The following KCTD11 variants were observed in gnomAD, a reference collection of about 807,000 sequenced individuals.
The protein encoded by KCTD11 is BTB/POZ domain-containing protein KCTD11.
Under a neutral mutation model 10.7 loss-of-function variants are expected in KCTD11, and 8 were observed. The ratio of observed to expected loss-of-function variants is 0.74; its 90% confidence interval spans 0.44 to 1.34. The LOEUF is 1.34. Ranked by LOEUF, KCTD11 falls within the 40% of genes most tolerant of loss-of-function variation. The pLI is 0.01. For missense variants in KCTD11, 346 were observed against 356.1 expected (o/e 0.97, Z 0.23); for synonymous variants, 153 against 160.8 (o/e 0.95, Z 0.37).
chr17:7,352,733 A>T lies in KCTD11; in HGVS notation c.-93A>T. 1 of 547,510 alleles carries T rather than the reference A, an allele frequency of 1.8e-6. No homozygotes were observed. Among genetic ancestry groups the T allele is most frequent in the Non-Finnish European group, 3.2e-6 (1 of 308,314 alleles). 33.9% of individuals were successfully genotyped at this position (547,510 alleles called of 1,614,324 possible). Reference sequence around the variant, plus strand: ...CTGGGTGTGCTCCACCTGTGCCTCCAACCCAGCGAATCTGACAGCTTCGAC... The same window carrying T: ...CTGGGTGTGCTCCACCTGTGCCTCCTACCCAGCGAATCTGACAGCTTCGAC... On this transcript the variant is annotated 5_prime_UTR_variant, in exon 1 of 1. Transcript: ENST00000333751. This position sits in a 1 kb window ranked among gnomAD's most constrained non-coding sequence, Gnocchi z 4.5.
At position 7,352,986 on chromosome 17, in the gene KCTD11, A is replaced by G. The variant is rs369116596; in HGVS notation, c.161A>G (p.Asn54Ser). ...AGGGCCGGCACCCCCATGCCCCCCA[A>G]CCTCAATTCCCAAGGAGGCGGCCAC... Residue 54 changes from asparagine (N) to serine (S), a missense_variant, in exon 1 of 1, where the codon AAC becomes AGC. Asn to Ser is a conservative substitution (Grantham distance 46). Coordinates refer to ENST00000333751, the MANE Select transcript of KCTD11 (RefSeq NM_001363642.1). The surrounding 1 kb of genome is among the most constrained non-coding windows in gnomAD (Gnocchi z 4.5). 1,235 of 1,607,222 alleles carry G rather than the reference A, an allele frequency of 7.7e-4. 23 individuals are homozygous for G. In the South Asian group the frequency reaches 0.013, roughly 17 times the overall value.
At position 7,353,493 on chromosome 17, in the gene KCTD11, CA is replaced by C; in HGVS notation, c.669del (p.Gly224GlufsTer27). 1 of 1,600,550 alleles carries C rather than the reference CA, an allele frequency of 6.2e-7. No individual in the cohort carries two copies. The highest frequency in any genetic ancestry group is 8.5e-7 in the Non-Finnish European group (1 of 1,171,476). On this transcript the variant is annotated frameshift_variant, in exon 1 of 1. Transcript: ENST00000333751. LOFTEE classifies it high-confidence loss of function. The surrounding 1 kb of genome is among the most constrained non-coding windows in gnomAD (Gnocchi z 4.9). ...CTGCAGCCGCTGTGGACTGGGGGGC[CA>C]GGAGAGCGGCGGGAGGTGGTGGGCA...
rs896153113 is a variant in KCTD11, at chr17:7,352,909, C to T, written c.84C>T (p.Thr28=). 1.3e-6 allele frequency: 2 copies of T among 1,531,058 alleles called. No individual in the cohort carries two copies. Among genetic ancestry groups the T allele is most frequent in the Admixed American group, 1.9e-5 (1 of 51,632 alleles). 94.8% of individuals were successfully genotyped at this position (1,531,058 alleles called of 1,614,324 possible). ...ATGTGGGGGGCACACTATATTCCAC[C>T]ACTTTGGAGACCCTGACCCGCTTCC... Residue 28 remains threonine (T), a synonymous_variant, in exon 1 of 1, where the codon ACC becomes ACT. Coordinates refer to ENST00000333751, the MANE Select transcript of KCTD11 (RefSeq NM_001363642.1). The surrounding 1 kb of genome is among the most constrained non-coding windows in gnomAD (Gnocchi z 4.5).
Position 7,354,870 on chromosome 17 carries a change from G to A in KCTD11, c.*1229G>A, listed in dbSNP as rs953844580. The A allele has an allele frequency of 3.5e-6, 1 of 289,022 alleles. No individual in the cohort carries two copies. The highest frequency in any genetic ancestry group is 6.9e-6 in the Non-Finnish European group (1 of 144,668). 17.9% of individuals were successfully genotyped at this position (289,022 alleles called of 1,614,324 possible). A position where few individuals can be genotyped will look rare whatever the true frequency, so the allele number is the denominator to read the frequency against. On this transcript the variant is annotated 3_prime_UTR_variant, in exon 1 of 1. Coordinates refer to ENST00000333751, the MANE Select transcript of KCTD11 (RefSeq NM_001363642.1). ...TCACGCACAGCTTCTTCACTGGTGG[G>A]GGGTGGGGCACACATTATTTCTCAC...
rs779311069 is a variant in KCTD11 at position 7,353,224 on chromosome 17, A to T, written c.399A>T (p.Val133=). ...CAGCTGCCCTGCTCCACGCAGATGT[A>T]GATGTCAGCCCCCGCCTGGTGCACT... Residue 133 remains valine, a synonymous_variant, in exon 1 of 1, where the codon GTA becomes GTT. Coordinates refer to ENST00000333751, the MANE Select transcript of KCTD11 (RefSeq NM_001363642.1). The surrounding 1 kb of genome is among the most constrained non-coding windows in gnomAD (Gnocchi z 4.9). 1 of 1,613,608 alleles carries T rather than the reference A, an allele frequency of 6.2e-7. No homozygotes were observed. The highest frequency in any genetic ancestry group is 8.5e-7 in the Non-Finnish European group (1 of 1,180,026).
rs138420040 is a variant in KCTD11, at chr17:7,353,548, G to T, written c.723G>T (p.Arg241=). The T allele has an allele frequency of 1.9e-6, 3 of 1,563,486 alleles. No homozygotes were observed. In the African/African-American group the frequency reaches 4.1e-5, roughly 21 times the overall value. Residue 241 remains arginine, a synonymous_variant, in exon 1 of 1, where the codon CGG becomes CGT. Coordinates refer to ENST00000333751, the MANE Select transcript of KCTD11 (RefSeq NM_001363642.1). The surrounding 1 kb of genome is among the most constrained non-coding windows in gnomAD (Gnocchi z 4.9). ...CAAGCTTCCTGGAGGAGGTGCTGCGGGTGGCTCTCGAGCACGGCTTCCGAC... is the reference window on the plus strand; with the variant it reads ...CAAGCTTCCTGGAGGAGGTGCTGCGTGTGGCTCTCGAGCACGGCTTCCGAC...
At position 7,352,938 on chromosome 17, in the gene KCTD11, A is replaced by T; in HGVS notation, c.113A>T (p.Asp38Val). ...TTGGAGACCCTGACCCGCTTCCCAG[A>T]CTCTATGCTGGGGGCCATGTTTAGG... Residue 38 changes from aspartate to valine, a missense_variant, in exon 1 of 1, where the codon GAC becomes GTC. Physicochemically the swap from Asp to Val is radical, Grantham distance 152 (BLOSUM62 -3). Coordinates refer to ENST00000333751, the MANE Select transcript of KCTD11 (RefSeq NM_001363642.1). The surrounding 1 kb of genome is among the most constrained non-coding windows in gnomAD (Gnocchi z 4.5). 1 of 1,573,200 alleles carries T rather than the reference A, an allele frequency of 6.4e-7. No homozygotes were observed. The highest frequency in any genetic ancestry group is 8.7e-7 in the Non-Finnish European group (1 of 1,155,182).
At position 7,354,070 on chromosome 17, in the gene KCTD11, A is replaced by G. The variant is rs1174634036; in HGVS notation, c.*429A>G. ...TCTTGGACCATGGCTTCTACTCCTG[A>G]AGCTGGGTGGCCTGGCCTGGCCTGA... On this transcript the variant is annotated 3_prime_UTR_variant, in exon 1 of 1. Coordinates refer to ENST00000333751, the MANE Select transcript of KCTD11 (RefSeq NM_001363642.1). 1 of 176,552 alleles carries G rather than the reference A, an allele frequency of 5.7e-6. No individual in the cohort carries two copies. The highest frequency in any genetic ancestry group is 1.3e-5 in the Non-Finnish European group (1 of 74,260). 10.9% of individuals were successfully genotyped at this position (176,552 alleles called of 1,614,324 possible).
Position 7,354,003 on chromosome 17 carries a change from G to A in KCTD11, c.*362G>A. 1 of 221,520 alleles carries A rather than the reference G, an allele frequency of 4.5e-6. No individual in the cohort carries two copies. Among genetic ancestry groups the A allele is most frequent in the Non-Finnish European group, 9.7e-6 (1 of 103,432 alleles). 13.7% of individuals were successfully genotyped at this position (221,520 alleles called of 1,614,324 possible). On this transcript the variant is annotated 3_prime_UTR_variant, in exon 1 of 1. Coordinates refer to ENST00000333751, the MANE Select transcript of KCTD11 (RefSeq NM_001363642.1). The stretch of plus-strand genomic sequence containing the variant: ...AGCAAAACCCTGGAAGGATATTGAG[G>A]TCTGGGGAAAAGGGAGGACTTTGCA...
At position 7,352,661 on chromosome 17, in the gene KCTD11, A is replaced by C; in HGVS notation, c.-165A>C. On this transcript the variant is annotated 5_prime_UTR_variant, in exon 1 of 1. Coordinates refer to ENST00000333751, the MANE Select transcript of KCTD11 (RefSeq NM_001363642.1). This position sits in a 1 kb window ranked among gnomAD's most constrained non-coding sequence, Gnocchi z 4.5. Reference sequence around the variant, plus strand: ...TTGGGGATTTCTGTGTCCTGACACCACCTCCCCATCCACCACCAAAGTAGC... The same window carrying C: ...TTGGGGATTTCTGTGTCCTGACACCCCCTCCCCATCCACCACCAAAGTAGC... 1 of 496,206 alleles carries C rather than the reference A, an allele frequency of 2.0e-6. No individual in the cohort carries two copies. The highest frequency in any genetic ancestry group is 4.0e-5 in the South Asian group (1 of 24,838). The allele number at this position is 496,206 out of a possible 1,614,324, so 30.7% of individuals were successfully genotyped here. A position where few individuals can be genotyped will look rare whatever the true frequency, so the allele number is the denominator to read the frequency against.
chr17:7,353,158 G>A lies in KCTD11; in HGVS notation c.333G>A (p.Ala111=), dbSNP rs61737658. 8.7e-6 allele frequency: 14 copies of A among 1,613,018 alleles called. No individual in the cohort carries two copies. The highest frequency in any genetic ancestry group is 1.3e-5 in the African/African-American group (1 of 74,924). ...ACCAGATCCGGCCCCTCCTGGACGC[G>A]CTGCGGGAACTGGAGGCCTCTCAGG... Residue 111 remains alanine, a synonymous_variant, in exon 1 of 1, where the codon GCG becomes GCA. Coordinates refer to ENST00000333751, the MANE Select transcript of KCTD11 (RefSeq NM_001363642.1). The surrounding 1 kb of genome is among the most constrained non-coding windows in gnomAD (Gnocchi z 4.9).
In KCTD11 at chr17:7,354,587, G is replaced by T; in HGVS notation, c.*946G>T. The T allele has an allele frequency of 6.0e-6, 1 of 167,588 alleles. No individual in the cohort carries two copies. 10.4% of individuals were successfully genotyped at this position (167,588 alleles called of 1,614,324 possible). A position where few individuals can be genotyped will look rare whatever the true frequency, so the allele number is the denominator to read the frequency against. On this transcript the variant is annotated 3_prime_UTR_variant, in exon 1 of 1. Coordinates refer to ENST00000333751, the MANE Select transcript of KCTD11 (RefSeq NM_001363642.1). ...TGCACGCATGTATATGCATCACCAC[G>T]TAGCCAGGAGGGGCCTGTTGGGGTT...
chr17:7,353,500 G>A lies in KCTD11; in HGVS notation c.675G>A (p.Glu225=). The A allele has an allele frequency of 6.3e-7, 1 of 1,595,832 alleles. No homozygotes were observed. The highest frequency in any genetic ancestry group is 8.6e-7 in the Non-Finnish European group (1 of 1,168,738). ...CGCTGTGGACTGGGGGGCCAGGAGA[G>A]CGGCGGGAGGTGGTGGGCACCCCAA... Residue 225 remains glutamate, a synonymous_variant, in exon 1 of 1, where the codon GAG becomes GAA. Coordinates refer to ENST00000333751, the MANE Select transcript of KCTD11 (RefSeq NM_001363642.1). The surrounding 1 kb of genome is among the most constrained non-coding windows in gnomAD (Gnocchi z 4.9).
Position 7,353,151 on chromosome 17 carries a change from T to C in KCTD11, c.326T>C (p.Leu109Pro). The C allele has an allele frequency of 6.2e-7, 1 of 1,613,276 alleles. No individual in the cohort carries two copies. The highest frequency in any genetic ancestry group is 8.5e-7 in the Non-Finnish European group (1 of 1,179,688). The change falls in exon 1 of 1, where the codon CTG becomes CCG. Residue 109 changes from leucine to proline, a missense_variant. Physicochemically the swap from Leu to Pro is moderately conservative, Grantham distance 98. Coordinates refer to ENST00000333751, the MANE Select transcript of KCTD11 (RefSeq NM_001363642.1). This position sits in a 1 kb window ranked among gnomAD's most constrained non-coding sequence, Gnocchi z 4.9. ...GACTTCTACCAGATCCGGCCCCTCCTGGACGCGCTGCGGGAACTGGAGGCC... is the reference window on the plus strand; with the variant it reads ...GACTTCTACCAGATCCGGCCCCTCCCGGACGCGCTGCGGGAACTGGAGGCC...
rs887033695 is a variant in KCTD11 at position 7,353,801 on chromosome 17, C to A, written c.*160C>A. 3 of 676,892 alleles carry A rather than the reference C, an allele frequency of 4.4e-6. No individual in the cohort carries two copies. Among genetic ancestry groups the A allele is most frequent in the Non-Finnish European group, 7.2e-6 (3 of 418,574 alleles). The allele number at this position is 676,892 out of a possible 1,614,324, so 41.9% of individuals were successfully genotyped here. On this transcript the variant is annotated 3_prime_UTR_variant, in exon 1 of 1. Transcript: ENST00000333751. The surrounding 1 kb of genome is among the most constrained non-coding windows in gnomAD (Gnocchi z 4.9). ...CAGGAATTCCCAAACCTGAGCCCAC[C>A]AAGGACTCACAAGTGGTCCAGAAGG... is the stretch of plus-strand genomic sequence containing the variant.
chr17:7,354,907 T>G lies in KCTD11; in HGVS notation c.*1266T>G. On this transcript the variant is annotated 3_prime_UTR_variant, in exon 1 of 1. Transcript: ENST00000333751. Reference sequence around the variant, plus strand: ...ACATTATTTCTCACTGGTCATGATTTACAAGAAGAAAAATAAAACTGCTTT... The same window carrying G: ...ACATTATTTCTCACTGGTCATGATTGACAAGAAGAAAAATAAAACTGCTTT... 2.5e-6 allele frequency: 1 copy of G among 403,976 alleles called. No individual in the cohort carries two copies. The highest frequency in any genetic ancestry group is 4.6e-6 in the Non-Finnish European group (1 of 216,402). 25.0% of individuals were successfully genotyped at this position (403,976 alleles called of 1,614,324 possible). A position where few individuals can be genotyped will look rare whatever the true frequency, so the allele number is the denominator to read the frequency against.
In KCTD11 at chr17:7,353,888, G is replaced by A. The variant is rs2073445069; in HGVS notation, c.*247G>A. ...GTTCTCTCAGCTTGTTCTTGCCTAA[G>A]GCTGAGCACCTCCAGTCTCTCCTTG... On this transcript the variant is annotated 3_prime_UTR_variant, in exon 1 of 1. Coordinates refer to ENST00000333751, the MANE Select transcript of KCTD11 (RefSeq NM_001363642.1). The surrounding 1 kb of genome is among the most constrained non-coding windows in gnomAD (Gnocchi z 4.9). 3 of 440,968 alleles carry A rather than the reference G, an allele frequency of 6.8e-6. No homozygotes were observed. Among genetic ancestry groups the A allele is most frequent in the African/African-American group, 5.9e-5 (3 of 50,588 alleles). The allele number at this position is 440,968 out of a possible 1,614,324, so 27.3% of individuals were successfully genotyped here.
Position 7,353,479 on chromosome 17 carries a change from G to A in KCTD11, c.654G>A (p.Leu218=). The stretch of plus-strand genomic sequence containing the variant: ...ATGGGAGACTGGGGCTGCAGCCGCT[G>A]TGGACTGGGGGGCCAGGAGAGCGGC... Residue 218 remains leucine, a synonymous_variant, in exon 1 of 1, where the codon CTG becomes CTA. Coordinates refer to ENST00000333751, the MANE Select transcript of KCTD11 (RefSeq NM_001363642.1). The surrounding 1 kb of genome is among the most constrained non-coding windows in gnomAD (Gnocchi z 4.9). The A allele has an allele frequency of 2.5e-6, 4 of 1,605,580 alleles. No homozygotes were observed. Among genetic ancestry groups the A allele is most frequent in the Non-Finnish European group, 3.4e-6 (4 of 1,174,968 alleles).
Position 7,353,832 on chromosome 17 carries a change from A to C in KCTD11, c.*191A>C. The C allele has an allele frequency of 1.9e-6, 1 of 535,746 alleles. No individual in the cohort carries two copies. The highest frequency in any genetic ancestry group is 3.2e-6 in the Non-Finnish European group (1 of 308,604). The allele number at this position is 535,746 out of a possible 1,614,324, so 33.2% of individuals were successfully genotyped here. On this transcript the variant is annotated 3_prime_UTR_variant, in exon 1 of 1. Coordinates refer to ENST00000333751, the MANE Select transcript of KCTD11 (RefSeq NM_001363642.1). This position sits in a 1 kb window ranked among gnomAD's most constrained non-coding sequence, Gnocchi z 4.9. ...CTCACAAGTGGTCCAGAAGGTCTCA[A>C]CCTGTGCTGACCCTGGGAGGGGTAG...
Sources: gnomAD v4.1 joint callset for allele counts on GRCh38, gnomAD v4.1.1 for gene constraint, Gnocchi (gnomAD v3.1) non-coding constraint, MANE v1.5 for transcripts, NCBI Gene and HGNC (gene_info 2026-07-23, HGNC 2026-07-21) for gene names.